The following AMPH variants were observed in gnomAD, a reference collection of about 807,000 sequenced individuals.
The protein encoded by AMPH is amphiphysin.
In AMPH, 49 loss-of-function variants were observed where a neutral mutation model predicts 99.1. The observed-to-expected ratio is 0.49, with a 90% confidence interval of 0.39 to 0.63. The LOEUF (loss-of-function observed/expected upper bound fraction) is 0.63, where lower values mean the gene tolerates loss of function less well. AMPH is among the 20% of genes least tolerant of loss of function. The pLI is 0.00. For synonymous variants in AMPH, 314 were observed against 317.3 expected (o/e 0.99, Z 0.11); for missense variants, 759 against 863.4 (o/e 0.88, Z 1.52).
In AMPH at chr7:38,436,290, G is replaced by A; in HGVS notation, c.1116C>T (p.Thr372=). The A allele has an allele frequency of 1.2e-6, 2 of 1,613,944 alleles. No individual in the cohort carries two copies. The highest frequency in any genetic ancestry group is 1.7e-6 in the Non-Finnish European group (2 of 1,179,862). Residue 372 remains threonine (T), a synonymous_variant, in exon 12 of 21, where the codon ACC becomes ACT. Coordinates refer to ENST00000356264, the MANE Select transcript of AMPH (RefSeq NM_001635.4). ...EVTPAGSAGV[T]HSPMSQTLPW... ...CTGATACCTGAGACATGGGTGAGTG[G>A]GTCACTCCAGCAGAACCTGCAGGTG...
chr7:38,452,755 G>A (rs1284710631), intron 11 of AMPH, among the ~76,000 whole-genome samples: 1 of 152,212 alleles, frequency 6.6e-6, no homozygotes, highest in African/African-American at 2.4e-5. Context: ...GGCTCCCACA[G>A]TGTGGTGCCA....
At chr7:38,523,432 A>G (rs1790049436) in intron 2 of AMPH, among the ~76,000 whole-genome samples, 1 of 152,188 alleles carries the variant, frequency 6.6e-6, no homozygotes, top group Admixed American at 6.5e-5. Flanking sequence ...GCACAACAAG[A>G]TCCTGAAACA....
At chr7:38,503,505 G>GT in intron 3 of AMPH, 145 bp downstream of exon 3, 4 of 495,166 alleles carry the variant, frequency 8.1e-6, no homozygotes, top group South Asian at 2.7e-5. Flanking sequence ...CGGGGGGGTG[G>GT]GTGGTGGAAT....
At chr7:38,588,664 T>C (rs1475733014) in intron 1 of AMPH, among the ~76,000 whole-genome samples, 1 of 152,026 alleles carries the variant, frequency 6.6e-6, no homozygotes, top group Non-Finnish European at 1.5e-5. Flanking sequence ...ACTCTCCAAT[T>C]ATGGGGCACC....
At chr7:38,441,757 A>C (rs58619915) in intron 11 of AMPH, among the ~76,000 whole-genome samples, 24,986 of 112,486 alleles carry the variant, frequency 0.22, 4,360 homozygotes, top group African/African-American at 0.44. Flanking sequence ...TATCATATAT[A>C]TATCATATAT....
In AMPH at chr7:38,571,550, A is replaced by T. The variant is rs1157952695; in HGVS notation, c.70-36539T>A. 3.5e-5 allele frequency among the ~76,000 whole-genome samples: 5 copies of T among 141,354 alleles called. 1 individual carries two copies. The highest frequency in any genetic ancestry group is 1.3e-4 in the African/African-American group (5 of 38,702). 92.7% of individuals were successfully genotyped at this position (141,354 alleles called of 152,430 possible). A position where few individuals can be genotyped will look rare whatever the true frequency, so the allele number is the denominator to read the frequency against. On this transcript the variant is annotated intron_variant, in intron 1 of 20. Coordinates refer to ENST00000356264, the MANE Select transcript of AMPH (RefSeq NM_001635.4). ...AAATATATATATTCTGTATAAATAT[A>T]TATATTTATACTTATACATAAATTT...
chr7:38,463,830 A>G (rs1321678407), intron 9 of AMPH, among the ~76,000 whole-genome samples: 4 of 152,238 alleles, frequency 2.6e-5, no homozygotes, highest in African/African-American at 9.6e-5. Context: ...AAATGTGATG[A>G]CTAAGAAGCA....
At chr7:38,556,286 C>T (rs1017428422) in intron 1 of AMPH, among the ~76,000 whole-genome samples, 5 of 152,028 alleles carry the variant, frequency 3.3e-5, no homozygotes, top group African/African-American at 4.8e-5. Context: ...AAATACTAGC[C>T]GAAGCACTGA....
At chr7:38,467,575 G>C (rs1787706136) in intron 7 of AMPH, among the ~76,000 whole-genome samples, 1 of 151,726 alleles carries the variant, frequency 6.6e-6, no homozygotes, top group African/African-American at 2.4e-5. Context: ...CATGTCTCTA[G>C]GAACGTACAA....
chr7:38,606,680 C>A (rs1344963903), intron 1 of AMPH, among the ~76,000 whole-genome samples: 1 of 151,194 alleles, frequency 6.6e-6, no homozygotes, highest in African/African-American at 2.4e-5. Context: ...TGAAGCCATC[C>A]TCCTGCCTCA....
intron 1 of AMPH, among the ~76,000 whole-genome samples, chr7:38,558,713 T>C (rs573514621): frequency 5.9e-5 from 9 of 152,210 alleles, no homozygotes; most frequent in Admixed American, 2.6e-4. Context: ...TCGAAGAAAG[T>C]TGCCTTAGAA....
At chr7:38,604,967 G>C (rs1793382950) in intron 1 of AMPH, among the ~76,000 whole-genome samples, 1 of 152,114 alleles carries the variant, frequency 6.6e-6, no homozygotes, top group Non-Finnish European at 1.5e-5. Context: ...AATGACAAAG[G>C]ATTAACAGGT....
chr7:38,574,742 A>T (rs1199373468), intron 1 of AMPH, among the ~76,000 whole-genome samples: 1 of 152,106 alleles, frequency 6.6e-6, no homozygotes, highest in Non-Finnish European at 1.5e-5. Context: ...TTTATCATTC[A>T]ATACTATTAC....
intron 1 of AMPH, among the ~76,000 whole-genome samples, chr7:38,566,819 C>A (rs757963231): frequency 3.8e-4 from 58 of 152,284 alleles, no homozygotes; most frequent in Non-Finnish European, 8.1e-4. Context: ...CAGAGAAATG[C>A]AAATCAAAAC....
At chr7:38,474,210 C>T (rs73120259) in intron 7 of AMPH, among the ~76,000 whole-genome samples, 3,932 of 151,328 alleles carry the variant, frequency 0.026, 75 homozygotes, top group Admixed American at 0.054. Context: ...AATTGCAAAG[C>T]TTTGAGGTTT....
At chr7:38,463,389 T>C (rs1415045559) in intron 9 of AMPH, among the ~76,000 whole-genome samples, 16 of 152,154 alleles carry the variant, frequency 1.1e-4, no homozygotes, top group Admixed American at 1.0e-3. Context: ...GGGGCATAGA[T>C]AGGTTAAAAA....
At chr7:38,392,045 C>A in intron 18 of AMPH, 28 bp from the exon 19 acceptor site, 3 of 1,597,880 alleles carry the variant, frequency 1.9e-6, no homozygotes, top group Non-Finnish European at 2.5e-6. Context: ...GTGGCGATGC[C>A]CGGCAGGGCC....
At chr7:38,422,376 T>A (rs1785609810) in intron 16 of AMPH, 45 bp downstream of exon 16, 4 of 1,507,756 alleles carry the variant, frequency 2.7e-6, no homozygotes, top group Non-Finnish European at 3.7e-6. Context: ...GAACATTCAG[T>A]GATAACTAAC....
intron 2 of AMPH, among the ~76,000 whole-genome samples, chr7:38,531,734 CAG>C (rs1790404397): frequency 6.6e-6 from 1 of 152,108 alleles, no homozygotes; most frequent in Non-Finnish European, 1.5e-5. Context: ...TGAGTGTGGT[CAG>C]GGGACTATAA....
Sources: gnomAD v4.1 joint callset for allele counts (sites outside exome capture counted in the v4.1 genomes callset) on GRCh38, gnomAD v4.1.1 for gene constraint, MANE v1.5 for transcripts, NCBI Gene and HGNC (gene_info 2026-07-23, HGNC 2026-07-21) for gene names.